Variants in GABRB1 observed in about 807,000 individuals in gnomAD.
GABRB1 encodes gamma-aminobutyric acid receptor subunit beta-1.
In GABRB1, 17 loss-of-function variants were observed where a neutral mutation model predicts 51.6. The ratio of observed to expected loss-of-function variants is 0.33; its 90% CI spans 0.23 to 0.49. The LOEUF is 0.49. Among genes scored for constraint, GABRB1 ranks in the 20% least tolerant of loss-of-function variants. GABRB1 has a pLI of 0.99. For missense variants in GABRB1, 410 were observed against 600.6 expected (o/e 0.68, Z 3.32); for synonymous variants, 247 against 218.9 (o/e 1.13, Z -1.14).
intron 5 of GABRB1, among the ~76,000 whole-genome samples, chr4:47,386,011 T>C (rs1479671775): frequency 2.0e-5 from 3 of 152,208 alleles, no homozygotes; most frequent in Admixed American, 2.0e-4. Flanking sequence ...AGCACCTTGA[T>C]GTGTTCACCA....
At chr4:47,415,041 G>A (rs760975520) in intron 8 of GABRB1, among the ~76,000 whole-genome samples, 4 of 152,118 alleles carry the variant, frequency 2.6e-5, no homozygotes, top group South Asian at 2.1e-4. Context: ...ATCTGGCTTC[G>A]TTCGCTTTTT....
chr4:47,192,259 CT>C (rs2109784767), intron 4 of GABRB1, among the ~76,000 whole-genome samples: 1 of 152,114 alleles, frequency 6.6e-6, no homozygotes, highest in African/African-American at 2.4e-5. Flanking sequence ...TTGGCACTAC[CT>C]AACCAGTGTC....
At chr4:47,112,559 A>T (rs1715269933) in intron 3 of GABRB1, among the ~76,000 whole-genome samples, 1 of 152,212 alleles carries the variant, frequency 6.6e-6, no homozygotes, top group Non-Finnish European at 1.5e-5. Context: ...CAGTTTCTCT[A>T]TTTGTTAAAG....
intron 4 of GABRB1, among the ~76,000 whole-genome samples, chr4:47,189,560 TC>T (rs1289626603): frequency 2.0e-5 from 3 of 151,974 alleles, no homozygotes; most frequent in Non-Finnish European, 4.4e-5. Context: ...ATGGAGGGTA[TC>T]GGATAGTTTC....
At chr4:47,408,126 A>G (rs1728638022) in intron 8 of GABRB1, among the ~76,000 whole-genome samples, 1 of 152,324 alleles carries the variant, frequency 6.6e-6, no homozygotes, top group Admixed American at 6.5e-5. Flanking sequence ...AAAACAGAGT[A>G]CTGAACAAAA....
At chr4:47,071,063 CT>C (rs1171245200) in intron 3 of GABRB1, among the ~76,000 whole-genome samples, 3 of 152,218 alleles carry the variant, frequency 2.0e-5, no homozygotes, top group African/African-American at 7.2e-5. Flanking sequence ...CACCATTCTT[CT>C]AATTGCTCAG....
At chr4:47,200,149 A>G (rs1052409451) in intron 4 of GABRB1, among the ~76,000 whole-genome samples, 3 of 152,188 alleles carry the variant, frequency 2.0e-5, no homozygotes, top group Admixed American at 2.0e-4. Flanking sequence ...ATAAGACACA[A>G]TGAGAAGCTG....
At chr4:47,219,915 C>T (rs1181932846) in intron 4 of GABRB1, among the ~76,000 whole-genome samples, 2 of 151,772 alleles carry the variant, frequency 1.3e-5, no homozygotes, top group African/African-American at 2.4e-5. Flanking sequence ...ACTTGTCTTC[C>T]TTCCTAAACC....
At chr4:47,378,794 T>C (rs1393333270) in intron 5 of GABRB1, among the ~76,000 whole-genome samples, 1 of 152,120 alleles carries the variant, frequency 6.6e-6, no homozygotes, top group Non-Finnish European at 1.5e-5. Context: ...CCGGAGTTTT[T>C]TTTTTAATTA....
At chr4:47,183,576 C>T (rs1028401380) in intron 4 of GABRB1, among the ~76,000 whole-genome samples, 1 of 151,612 alleles carries the variant, frequency 6.6e-6, no homozygotes, top group African/African-American at 2.4e-5. Flanking sequence ...GAGTTCCCAC[C>T]TTTCCACATT....
chr4:47,204,764 G>A (rs1271239768), intron 4 of GABRB1, among the ~76,000 whole-genome samples: 1 of 152,092 alleles, frequency 6.6e-6, no homozygotes, highest in Non-Finnish European at 1.5e-5. Flanking sequence ...GTTCCTCCTT[G>A]CCTTCTGCCA....
chr4:47,404,406 T>G (rs1728498492), intron 7 of GABRB1, among the ~76,000 whole-genome samples: 1 of 152,022 alleles, frequency 6.6e-6, no homozygotes, highest in South Asian at 2.1e-4. Context: ...CTGGTGAATC[T>G]GGGGATGTGC....
chr4:47,297,642 G>A (rs1175301165), intron 4 of GABRB1, among the ~76,000 whole-genome samples: 2 of 152,262 alleles, frequency 1.3e-5, no homozygotes, highest in African/African-American at 2.4e-5. Context: ...AAAGAGTCCA[G>A]GACCAGATGG....
intron 4 of GABRB1, among the ~76,000 whole-genome samples, chr4:47,216,584 A>G (rs1720562718): frequency 1.3e-5 from 2 of 152,000 alleles, no homozygotes; most frequent in African/African-American, 4.8e-5. Context: ...TATATAGGTC[A>G]AGAGTCAAAA....
At chr4:47,295,545 G>A (rs1723946969) in intron 4 of GABRB1, among the ~76,000 whole-genome samples, 1 of 151,992 alleles carries the variant, frequency 6.6e-6, no homozygotes, top group African/African-American at 2.4e-5. Flanking sequence ...AAGCGAGAAG[G>A]GAAGTTTAGA....
At chr4:47,303,677 A>G (rs1724346453) in intron 4 of GABRB1, among the ~76,000 whole-genome samples, 1 of 152,024 alleles carries the variant, frequency 6.6e-6, no homozygotes, top group Non-Finnish European at 1.5e-5. Context: ...CTATTTTGAA[A>G]TATCTATACA....
intron 4 of GABRB1, 100 bp from the exon 5 acceptor site, chr4:47,320,027 G>C (rs940006087): frequency 9.7e-6 from 8 of 822,960 alleles, no homozygotes; most frequent in Admixed American, 3.7e-5. Context: ...TTGATGCCTT[G>C]TTTCTGCCAA....
rs111457987 is a variant in GABRB1 at position 47,085,918 on chromosome 4, G to A, written c.240+53434G>A. Among the ~76,000 whole-genome samples the A allele has an allele frequency of 2.2e-3, 329 of 152,320 alleles. 1 individual carries two copies. Among genetic ancestry groups the A allele is most frequent in the African/African-American group, 7.4e-3 (306 of 41,576 alleles). ...AAGCTGCCAGGCCTCTGAAGGCCTA[G>A]GTGGAATTTACAGTCAGAAGACCAT... On this transcript the variant is annotated intron_variant, in intron 3 of 8. Coordinates refer to ENST00000295454, the MANE Select transcript of GABRB1 (RefSeq NM_000812.4).
chr4:47,001,344 G>A lies in GABRB1; in HGVS notation c.-20+7418G>A, dbSNP rs191758928. 6.8e-3 allele frequency among the ~76,000 whole-genome samples: 1,033 copies of A among 152,070 alleles called. 11 individuals carry two copies. The highest frequency in any genetic ancestry group is 9.8e-3 in the Non-Finnish European group (666 of 68,022). On this transcript the variant is annotated intron_variant, in intron 1 of 3. Coordinates refer to the GABRB1 transcript ENST00000513567. The stretch of plus-strand genomic sequence containing the variant: ...TTTTTAGTAGAGATGTGGTTTCACC[G>A]TGTTAGCCAGGATGGTCTGAATCTC...
Sources: gnomAD v4.1 joint callset for allele counts (sites outside exome capture counted in the v4.1 genomes callset) on GRCh38, gnomAD v4.1.1 for gene constraint, MANE v1.5 for transcripts, NCBI Gene and HGNC (gene_info 2026-07-23, HGNC 2026-07-21) for gene names.